The following TRIQK variants were observed in gnomAD, a reference collection of about 807,000 sequenced individuals.
TRIQK encodes the protein triple QxxK/R motif containing, also known as triple QxxK/R motif-containing protein.
TRIQK carries 10 observed loss-of-function variants against 10.8 expected under a neutral mutation model. That is an observed-to-expected ratio of 0.92 (90% CI 0.57 to 1.57). The LOEUF is 1.57. Ranked by LOEUF, TRIQK falls within the 40% of genes most tolerant of loss-of-function variation. The pLI, the probability that TRIQK is intolerant of heterozygous loss-of-function variation, is 0.00. For synonymous variants in TRIQK, 33 were observed against 33.7 expected (o/e 0.98, Z 0.07); for missense variants, 107 against 97.7 (o/e 1.09, Z -0.40).
At chr8:92,966,596 G>A (rs1812760875), upstream of TRIQK, among the ~76,000 whole-genome samples, 1 of 152,142 alleles carries the variant, frequency 6.6e-6, no homozygotes, top group African/African-American at 2.4e-5. Flanking sequence ...TTAGGATTTA[G>A]GAGCCTATGT....
At chr8:93,000,501 A>G (rs1813199052) in intron 1 of TRIQK, among the ~76,000 whole-genome samples, 1 of 152,140 alleles carries the variant, frequency 6.6e-6, no homozygotes, top group South Asian at 2.1e-4. Context: ...GCCTGTTCCA[A>G]TGATTCAGTC....
chr8:93,012,782 A>T (rs1343435756), intron 1 of TRIQK, among the ~76,000 whole-genome samples: 1 of 152,158 alleles, frequency 6.6e-6, no homozygotes, highest in Non-Finnish European at 1.5e-5. Flanking sequence ...AAATATTCCT[A>T]AATAATGTAA....
At chr8:92,947,882 A>T (rs1811638376) in intron 2 of TRIQK, among the ~76,000 whole-genome samples, 1 of 152,058 alleles carries the variant, frequency 6.6e-6, no homozygotes, top group Non-Finnish European at 1.5e-5. Context: ...CGGTAGAAGA[A>T]AACTAAGACA....
chr8:92,982,712 CATT>C (rs2130744799), intron 1 of TRIQK, among the ~76,000 whole-genome samples: 1 of 152,094 alleles, frequency 6.6e-6, no homozygotes, highest in Non-Finnish European at 1.5e-5. Flanking sequence ...CAATGGGAGA[CATT>C]ATATTCTTTT....
chr8:93,000,638 C>T (rs1035681908), intron 1 of TRIQK, among the ~76,000 whole-genome samples: 4 of 151,904 alleles, frequency 2.6e-5, no homozygotes, highest in African/African-American at 9.7e-5. Flanking sequence ...TTAAGGAACA[C>T]ACAATATAAA....
intron 2 of TRIQK, among the ~76,000 whole-genome samples, chr8:92,932,944 C>T (rs1019199293): frequency 3.2e-4 from 48 of 152,076 alleles, no homozygotes; most frequent in South Asian, 6.2e-4. Flanking sequence ...CAGATATTTA[C>T]GGTTTAGCGT....
At chr8:93,000,819 C>T (rs943042700) in intron 1 of TRIQK, among the ~76,000 whole-genome samples, 35 of 142,218 alleles carry the variant, frequency 2.5e-4, no homozygotes, top group African/African-American at 8.9e-4. Context: ...AGCACATACA[C>T]AAATGGTAAA....
chr8:92,959,055 AGC>A, intron 1 of TRIQK, among the ~76,000 whole-genome samples: 1 of 152,176 alleles, frequency 6.6e-6, no homozygotes, highest in Non-Finnish European at 1.5e-5. Context: ...TAAACAAATG[AGC>A]GTGATTGTTT....
chr8:92,948,258 C>A (rs1000919466), intron 2 of TRIQK, among the ~76,000 whole-genome samples: 1 of 152,160 alleles, frequency 6.6e-6, no homozygotes, highest in African/African-American at 2.4e-5. Flanking sequence ...TTATAGAAAA[C>A]AAAGTTGCTC....
At chr8:92,917,818 A>G (rs1809948275) in intron 2 of TRIQK, among the ~76,000 whole-genome samples, 1 of 151,958 alleles carries the variant, frequency 6.6e-6, no homozygotes, top group Admixed American at 6.6e-5. Context: ...ATTGAATACT[A>G]GAAATTATTC....
At chr8:92,905,139 G>A (rs1017580997) in intron 3 of TRIQK, among the ~76,000 whole-genome samples, 10 of 151,934 alleles carry the variant, frequency 6.6e-5, no homozygotes, top group Non-Finnish European at 1.2e-4. Flanking sequence ...AGCATCGTTC[G>A]TAATAGCATT....
chr8:93,000,937 CAATT>C (rs1198243356), intron 1 of TRIQK, among the ~76,000 whole-genome samples: 5 of 142,116 alleles, frequency 3.5e-5, no homozygotes, highest in East Asian at 2.1e-4. Flanking sequence ...CAATCAGAAA[CAATT>C]AACACAATGG....
intron 3 of TRIQK, among the ~76,000 whole-genome samples, chr8:92,902,137 G>A (rs1404855621): frequency 6.6e-6 from 1 of 152,112 alleles, no homozygotes; most frequent in Non-Finnish European, 1.5e-5. Context: ...GAGCCCAGCA[G>A]AGTACCAGGA....
intron 1 of TRIQK, among the ~76,000 whole-genome samples, chr8:92,977,652 T>C (rs1563671481): frequency 6.6e-6 from 1 of 152,150 alleles, no homozygotes; most frequent in Non-Finnish European, 1.5e-5. Context: ...TACTATTGAT[T>C]GAAATTTGTT....
chr8:92,898,833 G>GTATATA (rs67063066), intron 3 of TRIQK, among the ~76,000 whole-genome samples: 2,612 of 73,694 alleles, frequency 0.035, 96 homozygotes, highest in East Asian at 0.045. Context: ...GTGTGTGTGT[G>GTATATA]TATATATATA....
rs186645693 is a variant in TRIQK at position 92,888,494 on chromosome 8, T to G, written c.148-1759A>C. ...CTTAAAGGTACTAGGTGGAAAGGTA[T>G]AGCAAATAATTTTCTCCAAAAATTA... On this transcript the variant is annotated intron_variant, in intron 4 of 4. Coordinates refer to ENST00000521988, the MANE Select transcript of TRIQK (RefSeq NM_001171797.2). 3.3e-3 allele frequency among the ~76,000 whole-genome samples: 508 copies of G among 151,696 alleles called. 10 individuals carry two copies. Among genetic ancestry groups the G allele is most frequent in the Admixed American group, 0.031 (471 of 15,148 alleles).
At chr8:92,911,659 A>G (rs1264966250) in intron 3 of TRIQK, among the ~76,000 whole-genome samples, 1 of 151,410 alleles carries the variant, frequency 6.6e-6, no homozygotes, top group Non-Finnish European at 1.5e-5. Flanking sequence ...AATTTAAACC[A>G]AAAACTGTTA....
chr8:92,948,284 A>G (rs1412911396), intron 2 of TRIQK, among the ~76,000 whole-genome samples: 1 of 152,210 alleles, frequency 6.6e-6, no homozygotes, highest in Non-Finnish European at 1.5e-5. Flanking sequence ...ATGGCAAATG[A>G]CATTTAATTG....
At chr8:92,896,276 T>C (rs1199630403) in intron 3 of TRIQK, among the ~76,000 whole-genome samples, 5 of 152,162 alleles carry the variant, frequency 3.3e-5, no homozygotes, top group Non-Finnish European at 5.9e-5. Flanking sequence ...GGGATAAGTC[T>C]TAGCAGGGTT....
Sources: gnomAD v4.1 joint callset for allele counts (sites outside exome capture counted in the v4.1 genomes callset) on GRCh38, gnomAD v4.1.1 for gene constraint, MANE v1.5 for transcripts, NCBI Gene and HGNC (gene_info 2026-07-23, HGNC 2026-07-21) for gene names.